SIRT5: variants seen among roughly 807,000 people sequenced by gnomAD.
SIRT5 encodes the protein sirtuin 5, also known as NAD-dependent protein deacylase sirtuin-5, mitochondrial.
A neutral mutation model predicts 40.0 loss-of-function variants in SIRT5; 26 were observed. That is an observed-to-expected ratio of 0.65 (90% CI 0.48 to 0.90). The LOEUF (loss-of-function observed/expected upper bound fraction) is 0.90. SIRT5 is among the 40% of genes least tolerant of loss of function. The probability of loss-of-function intolerance (pLI) is 0.00; values close to 1 mark genes in which losing one functional copy is unlikely to be tolerated. For missense variants in SIRT5, 401 were observed against 402.4 expected (o/e 1.00, Z 0.03); for synonymous variants, 146 against 149.1 (o/e 0.98, Z 0.15).
At chr6:13,602,041 T>C (rs1017482954) in intron 9 of SIRT5, among the ~76,000 whole-genome samples, 4 of 152,036 alleles carry the variant, frequency 2.6e-5, no homozygotes, top group Non-Finnish European at 5.9e-5. Flanking sequence ...TTGCCTCCTA[T>C]GCAAAACTTA....
intron 8 of SIRT5, among the ~76,000 whole-genome samples, chr6:13,600,166 T>C (rs923245815): frequency 2.0e-5 from 3 of 152,236 alleles, no homozygotes; most frequent in African/African-American, 4.8e-5. Flanking sequence ...ATTGGACAGA[T>C]TGTATGCGTA....
At chr6:13,586,754 T>C (rs979560705) in intron 3 of SIRT5, among the ~76,000 whole-genome samples, 4 of 152,124 alleles carry the variant, frequency 2.6e-5, no homozygotes, top group Non-Finnish European at 4.4e-5. Context: ...ACAGTCTCTA[T>C]CCTAGGCTGG....
chr6:13,606,742 C>T (rs1456036227), intron 9 of SIRT5, among the ~76,000 whole-genome samples: 2 of 152,044 alleles, frequency 1.3e-5, no homozygotes, highest in African/African-American at 2.4e-5. Flanking sequence ...AGTGCAGTGG[C>T]GCAATCTTGG....
At position 13,604,626 on chromosome 6, in the gene SIRT5, T is replaced by A. The variant is rs1762862698; in HGVS notation, c.857+3677T>A. On this transcript the variant is annotated intron_variant, in intron 9 of 9. Coordinates refer to ENST00000606117, the MANE Select transcript of SIRT5 (RefSeq NM_012241.5). The stretch of plus-strand genomic sequence containing the variant: ...GTTTAGAGTTGGCCCCCACCTCCCA[T>A]GCCATGGACTGAGCAGCAGGGGCCC... 2.0e-6 allele frequency: 3 copies of A among 1,469,734 alleles called. No individual in the cohort carries two copies. The African/African-American group carries it at 4.3e-5, about 21-fold the overall frequency. 91.0% of individuals were successfully genotyped at this position (1,469,734 alleles called of 1,614,324 possible).
At chr6:13,604,458 A>G in intron 9 of SIRT5, 3 of 1,445,598 alleles carry the variant, frequency 2.1e-6, no homozygotes, top group South Asian at 1.2e-5. Context: ...TGGTTCTTCT[A>G]ATGTGGTTTC....
rs984288783 is a variant in SIRT5, at chr6:13,599,242, C to T, written c.741+87C>T. The T allele has an allele frequency of 9.4e-5, 134 of 1,431,328 alleles. 1 individual carries two copies. Among genetic ancestry groups the T allele is most frequent in the Non-Finnish European group, 1.2e-4 (124 of 1,056,154 alleles). The allele number at this position is 1,431,328 out of a possible 1,614,324, so 88.7% of individuals were successfully genotyped here. ...CTCTCCTCTTTTCCTTCCTCCCTCC[C>T]TTGCTTCTTTCCTTCCCGCCTTCTC... On this transcript the variant is annotated intron_variant, in intron 8 of 9. Transcript: ENST00000606117.
intron 4 of SIRT5, among the ~76,000 whole-genome samples, 193 bp downstream of exon 4, chr6:13,588,657 C>T (rs910620220): frequency 2.6e-5 from 4 of 152,212 alleles, no homozygotes; most frequent in South Asian, 4.1e-4. Context: ...AAGGCTGCCA[C>T]GTTCCTTCCT....
At chr6:13,592,652 C>T (rs536390336) in intron 5 of SIRT5, among the ~76,000 whole-genome samples, 1 of 152,316 alleles carries the variant, frequency 6.6e-6, no homozygotes, top group South Asian at 2.1e-4. Context: ...ACCCACCAAG[C>T]CTATGATGTC....
intron 3 of SIRT5, 151 bp from the exon 4 acceptor site, chr6:13,588,180 A>G (rs923132718): frequency 5.0e-5 from 48 of 963,390 alleles, no homozygotes; most frequent in Non-Finnish European, 7.0e-5. Flanking sequence ...AGCAGGTCAC[A>G]TGGGGATGGT....
chr6:13,577,887 C>T (rs540611047), intron 1 of SIRT5, among the ~76,000 whole-genome samples: 3 of 152,130 alleles, frequency 2.0e-5, no homozygotes, highest in Admixed American at 2.0e-4. Context: ...GCATCATTGT[C>T]TTGTTCCTGA....
intron 1 of SIRT5, among the ~76,000 whole-genome samples, chr6:13,578,616 CAAAAAAAAA>C (rs60663066): frequency 5.4e-5 from 2 of 36,774 alleles, no homozygotes; most frequent in South Asian, 1.8e-3. Context: ...GACTCCATCT[CAAAAAAAAA>C]AAAAAAAAAA....
chr6:13,586,013 A>G (rs1760029905), intron 3 of SIRT5, among the ~76,000 whole-genome samples: 1 of 151,948 alleles, frequency 6.6e-6, no homozygotes, highest in Admixed American at 6.6e-5. Context: ...GCATTTTTTC[A>G]TGTGTCTGTT....
At chr6:13,598,354 G>T (rs1761881637) in intron 7 of SIRT5, among the ~76,000 whole-genome samples, 1 of 152,098 alleles carries the variant, frequency 6.6e-6, no homozygotes, top group African/African-American at 2.4e-5. Flanking sequence ...GAACCTGAGA[G>T]AACATGAAAG....
chr6:13,576,753 T>C (rs183503965), intron 1 of SIRT5, among the ~76,000 whole-genome samples: 1 of 152,326 alleles, frequency 6.6e-6, no homozygotes, highest in East Asian at 1.9e-4. Flanking sequence ...TTTTCACCTA[T>C]GTTATCTTCT....
chr6:13,612,223 G>T lies in SIRT5; in HGVS notation c.*358G>T. 1 of 168,536 alleles carries T rather than the reference G, an allele frequency of 5.9e-6. No individual in the cohort carries two copies. 10.4% of individuals were successfully genotyped at this position (168,536 alleles called of 1,614,324 possible). A position where few individuals can be genotyped will look rare whatever the true frequency, so the allele number is the denominator to read the frequency against. On this transcript the variant is annotated 3_prime_UTR_variant, in exon 10 of 10. Coordinates refer to ENST00000606117, the MANE Select transcript of SIRT5 (RefSeq NM_012241.5). Reference sequence around the variant, plus strand: ...TATCTGGGCAAAGTAGAAGTCAAGGGGTAAAAACCCTACTATTCTGATTTT... The same window carrying T: ...TATCTGGGCAAAGTAGAAGTCAAGGTGTAAAAACCCTACTATTCTGATTTT...
At chr6:13,596,487 G>T (rs1761585309) in intron 6 of SIRT5, among the ~76,000 whole-genome samples, 3 of 151,860 alleles carry the variant, frequency 2.0e-5, no homozygotes, top group Admixed American at 2.0e-4. Context: ...TACAACCACT[G>T]GTGATTTTTT....
At chr6:13,603,104 C>T (rs553503764) in intron 9 of SIRT5, among the ~76,000 whole-genome samples, 31 of 151,944 alleles carry the variant, frequency 2.0e-4, no homozygotes, top group Admixed American at 6.5e-4. Context: ...GGTGAAACCC[C>T]GTCTCTACTA....
rs1305310808 is a variant in SIRT5, at chr6:13,607,834, A to G, written c.858-3956A>G. 6.6e-6 allele frequency among the ~76,000 whole-genome samples: 1 copy of G among 151,992 alleles called. No homozygotes were observed. Among genetic ancestry groups the G allele is most frequent in the Non-Finnish European group, 1.5e-5 (1 of 68,018 alleles). ...AGTGGCACGATCTCGACTCACTGCA[A>G]CCTCCGCCTCCCTGGTTCAAGCAAT... On this transcript the variant is annotated intron_variant, in intron 9 of 9. Coordinates refer to ENST00000606117, the MANE Select transcript of SIRT5 (RefSeq NM_012241.5). This position sits in a 1 kb window ranked among gnomAD's most constrained non-coding sequence, Gnocchi z 4.0.
intron 9 of SIRT5, among the ~76,000 whole-genome samples, chr6:13,601,969 G>A (rs1010935643): frequency 1.4e-4 from 21 of 152,174 alleles, no homozygotes; most frequent in African/African-American, 4.8e-4. Flanking sequence ...CTGTGTTCTT[G>A]ATCCATAGTT....
Sources: gnomAD v4.1 joint callset for allele counts (sites outside exome capture counted in the v4.1 genomes callset) on GRCh38, gnomAD v4.1.1 for gene constraint, Gnocchi (gnomAD v3.1) non-coding constraint, MANE v1.5 for transcripts, NCBI Gene and HGNC (gene_info 2026-07-23, HGNC 2026-07-21) for gene names.